RYR3: variants seen among roughly 807,000 people sequenced by gnomAD.
RYR3 encodes brain ryanodine receptor-calcium release channel.
Under a neutral mutation model 584.3 loss-of-function variants are expected in RYR3, and 207 were observed. That is an observed-to-expected ratio of 0.35 (90% CI 0.32 to 0.40). RYR3 has a LOEUF of 0.40. RYR3 is among the 10% of genes least tolerant of loss of function. The pLI, the probability that RYR3 is intolerant of heterozygous loss-of-function variation, is 1.00. For missense variants in RYR3, 5,616 were observed against 6,089.2 expected (o/e 0.92, Z 2.59); for synonymous variants, 2,416 against 2,248.5 (o/e 1.07, Z -2.11).
chr15:33,394,376 G>A (rs2596195), intron 1 of RYR3, among the ~76,000 whole-genome samples: 31,943 of 152,122 alleles, frequency 0.21, 5,832 homozygotes, highest in African/African-American at 0.49. Flanking sequence ...CAGAAAAATC[G>A]GAGTATGTAG....
In RYR3 at chr15:33,825,600, A is replaced by C. The variant is rs1457582920; in HGVS notation, c.11073-3A>C. 6.2e-7 allele frequency: 1 copy of C among 1,607,912 alleles called. No individual in the cohort carries two copies. The highest frequency in any genetic ancestry group is 8.5e-7 in the Non-Finnish European group (1 of 1,175,566). ...AACCTTGTTTCTTTCTGTCTATTAA[A>C]AGTGTCCTTGATTTGAATGCATTTG... is the stretch of plus-strand genomic sequence containing the variant. On this transcript the variant is annotated splice_polypyrimidine_tract_variant and splice_region_variant and intron_variant, in intron 81 of 103. Coordinates refer to ENST00000634891, the MANE Select transcript of RYR3 (RefSeq NM_001036.6).
intron 67 of RYR3, among the ~76,000 whole-genome samples, chr15:33,799,644 G>A (rs2152929116): frequency 6.6e-6 from 1 of 152,304 alleles, no homozygotes; most frequent in Non-Finnish European, 1.5e-5. Flanking sequence ...ATTTTCCTGA[G>A]TTCTGTGAGC....
intron 5 of RYR3, among the ~76,000 whole-genome samples, chr15:33,537,648 A>G: frequency 6.6e-6 from 1 of 152,150 alleles, no homozygotes; most frequent in East Asian, 1.9e-4. Context: ...TATTTTCTGA[A>G]AGCAGCTAAG....
intron 1 of RYR3, among the ~76,000 whole-genome samples, chr15:33,433,509 AG>A (rs995670372): frequency 2.4e-4 from 37 of 151,942 alleles, no homozygotes; most frequent in Middle Eastern, 3.4e-3. Flanking sequence ...AAGAAATTAA[AG>A]GACAATTAGG....
intron 70 of RYR3, among the ~76,000 whole-genome samples, chr15:33,808,062 A>G (rs2076296583): frequency 6.6e-6 from 1 of 152,224 alleles, no homozygotes; most frequent in Non-Finnish European, 1.5e-5. Context: ...GTTTCAGGTT[A>G]TAACTGAACA....
intron 38 of RYR3, among the ~76,000 whole-genome samples, chr15:33,695,501 T>G (rs2065778900): frequency 6.6e-6 from 1 of 152,182 alleles, no homozygotes; most frequent in Non-Finnish European, 1.5e-5. Flanking sequence ...CTCTTGATGC[T>G]TATGAGAGGA....
At chr15:33,696,167 C>G (rs1007482192) in intron 38 of RYR3, 51 bp from the exon 39 acceptor site, 15 of 1,559,186 alleles carry the variant, frequency 9.6e-6, no homozygotes, top group African/African-American at 1.4e-5. Context: ...ACACCCAGCT[C>G]TCCCTGAGCC....
intron 10 of RYR3, among the ~76,000 whole-genome samples, chr15:33,562,303 A>G (rs548507479): frequency 7.9e-5 from 12 of 152,342 alleles, no homozygotes; most frequent in African/African-American, 2.6e-4. Flanking sequence ...ACAAATTACT[A>G]CATTAGCTTA....
intron 69 of RYR3, among the ~76,000 whole-genome samples, chr15:33,803,759 C>G (rs997438912): frequency 3.3e-5 from 5 of 152,226 alleles, no homozygotes; most frequent in African/African-American, 1.2e-4. Flanking sequence ...AAGTGATCCA[C>G]CCACCTCATC....
intron 1 of RYR3, among the ~76,000 whole-genome samples, chr15:33,317,181 C>T (rs943229860): frequency 3.9e-5 from 6 of 152,164 alleles, no homozygotes; most frequent in Admixed American, 3.3e-4. Flanking sequence ...TCCTATTCCC[C>T]TTCCTGTTTC....
chr15:33,434,692 C>T (rs1596118520), intron 1 of RYR3, among the ~76,000 whole-genome samples: 1 of 152,272 alleles, frequency 6.6e-6, no homozygotes, highest in East Asian at 1.9e-4. Flanking sequence ...TGTGCCCCTC[C>T]CCAGTTGTAT....
chr15:33,865,892 A>ATTCATACAAGTTTTTT lies in RYR3; in HGVS notation c.*668_*683dup, dbSNP rs1233768217. The ATTCATACAAGTTTTTT allele has an allele frequency of 1.3e-5, 2 of 152,420 alleles. No individual in the cohort carries two copies. The highest frequency in any genetic ancestry group is 2.9e-5 in the Non-Finnish European group (2 of 67,912). 9.4% of individuals were successfully genotyped at this position (152,420 alleles called of 1,614,324 possible). ...CTTTATGAAACTGCACTTGAAGGTTATTCATACAAGTTTTTTTAGTAACAG... is the reference window on the plus strand; with the variant it reads ...CTTTATGAAACTGCACTTGAAGGTTATTCATACAAGTTTTTTTTCATACAAGTTTTTTTAGTAACAG... On this transcript the variant is annotated 3_prime_UTR_variant, in exon 104 of 104. Coordinates refer to ENST00000634891, the MANE Select transcript of RYR3 (RefSeq NM_001036.6).
At chr15:33,747,026 G>A (rs1194508057) in intron 53 of RYR3, among the ~76,000 whole-genome samples, 1 of 151,374 alleles carries the variant, frequency 6.6e-6, no homozygotes, top group African/African-American at 2.4e-5. Flanking sequence ...GGCCAGGCTG[G>A]TCTTGAACCC....
chr15:33,648,738 CT>C (rs2062256354), intron 30 of RYR3, among the ~76,000 whole-genome samples: 1 of 152,224 alleles, frequency 6.6e-6, no homozygotes. Flanking sequence ...GGTTAGGGCT[CT>C]GTGCTGCCAT....
chr15:33,838,203 G>A lies in RYR3; in HGVS notation c.12223G>A (p.Glu4075Lys), dbSNP rs773126274. 26 of 1,614,060 alleles carry A rather than the reference G, an allele frequency of 1.6e-5. No individual in the cohort carries two copies. In the South Asian group the frequency reaches 2.9e-4, roughly 18 times the overall value. The stretch of plus-strand genomic sequence containing the variant: ...ACAGTTCATTTTTGATGTTGTCAAT[G>A]AAGGTGGGGAGCAGGAAAAGATGGA... ...KRQFIFDVVNEGGEQEKMELF... is the reference protein window; with the variant it reads ...KRQFIFDVVNKGGEQEKMELF... Residue 4075 changes from glutamate to lysine, a missense_variant, in exon 89 of 104, where the codon GAA (glutamate) becomes AAA (lysine). Transcript: ENST00000634891.
chr15:33,358,962 A>T (rs1974368765), intron 1 of RYR3, among the ~76,000 whole-genome samples: 1 of 152,180 alleles, frequency 6.6e-6, no homozygotes, highest in African/African-American at 2.4e-5. Context: ...TGCTTTGAGT[A>T]TTTTAAGTAT....
intron 1 of RYR3, among the ~76,000 whole-genome samples, chr15:33,348,677 T>C (rs1595804590): frequency 6.6e-6 from 1 of 152,064 alleles, no homozygotes; most frequent in African/African-American, 2.4e-5. Flanking sequence ...GGTTTCAGCA[T>C]GTTAGCCAGG....
intron 1 of RYR3, among the ~76,000 whole-genome samples, chr15:33,369,985 G>C (rs560475945): frequency 1.3e-5 from 2 of 152,156 alleles, no homozygotes; most frequent in Non-Finnish European, 2.9e-5. Context: ...CATGGAAAAT[G>C]CTCATCAATG....
chr15:33,772,124 C>T lies in RYR3; in HGVS notation c.9021C>T (p.His3007=), dbSNP rs769276514. ...LLPILTSIFE[H]VTQHQFGMDL... is the part of the protein sequence containing the mutation. ...CCATCCTGACGTCCATCTTTGAGCACGTCACTCAGCATCAGTTTGGAATGG... is the reference window on the plus strand; with the variant it reads ...CCATCCTGACGTCCATCTTTGAGCATGTCACTCAGCATCAGTTTGGAATGG... Residue 3007 remains histidine, a synonymous_variant, in exon 63 of 104, where the codon CAC becomes CAT. Coordinates refer to ENST00000634891, the MANE Select transcript of RYR3 (RefSeq NM_001036.6). 17 of 1,612,826 alleles carry T rather than the reference C, an allele frequency of 1.1e-5. No homozygotes were observed. Among genetic ancestry groups the T allele is most frequent in the East Asian group, 2.2e-5 (1 of 44,866 alleles).
Sources: gnomAD v4.1 joint callset for allele counts (sites outside exome capture counted in the v4.1 genomes callset) on GRCh38, gnomAD v4.1.1 for gene constraint, MANE v1.5 for transcripts, NCBI Gene and HGNC (gene_info 2026-07-23, HGNC 2026-07-21) for gene names.